Variants in SCG3 observed in about 807,000 individuals in gnomAD.
SCG3 encodes secretogranin-3.
Under a neutral mutation model 56.2 loss-of-function variants are expected in SCG3, and 38 were observed. That is an observed-to-expected ratio of 0.68 (90% CI 0.52 to 0.89). The LOEUF is 0.89. Ranked by LOEUF, SCG3 falls within the 40% of genes least tolerant of loss-of-function variation. The pLI is 0.00. For synonymous variants in SCG3, 176 were observed against 184.2 expected (o/e 0.96, Z 0.36); for missense variants, 524 against 540.7 (o/e 0.97, Z 0.31).
intron 10 of SCG3, among the ~76,000 whole-genome samples, chr15:51,709,701 A>ATTTT (rs869162420): frequency 4.4e-5 from 1 of 22,964 alleles, no homozygotes; most frequent in African/African-American, 2.4e-4. Context: ...ATATATATAT[A>ATTTT]TTTTTTTTTT....
intron 10 of SCG3, among the ~76,000 whole-genome samples, chr15:51,704,844 A>T (rs948992398): frequency 7.9e-5 from 11 of 138,690 alleles, no homozygotes; most frequent in Admixed American, 6.8e-4. Flanking sequence ...ATATATCCAG[A>T]AGTGGAATTG....
intron 11 of SCG3, among the ~76,000 whole-genome samples, chr15:51,717,699 C>G (rs1010590195): frequency 6.6e-6 from 1 of 152,174 alleles, no homozygotes; most frequent in Non-Finnish European, 1.5e-5. Flanking sequence ...CCTTGTGGAG[C>G]TGGGGTGCAA....
intron 4 of SCG3, among the ~76,000 whole-genome samples, chr15:51,685,113 C>T (rs1373230260): frequency 6.6e-6 from 1 of 152,174 alleles, no homozygotes; most frequent in African/African-American, 2.4e-5. Context: ...TCTGAAGTGT[C>T]ACGTGTACCT....
At chr15:51,695,421 C>T (rs2055296259) in intron 7 of SCG3, among the ~76,000 whole-genome samples, 1 of 152,046 alleles carries the variant, frequency 6.6e-6, no homozygotes, top group South Asian at 2.1e-4. Context: ...TATCATCTAC[C>T]CTATTAGCAA....
intron 5 of SCG3, 146 bp downstream of exon 5, chr15:51,688,548 C>A: frequency 3.0e-6 from 2 of 659,786 alleles, no homozygotes; most frequent in Non-Finnish European, 4.8e-6. Context: ...AAGCAAAGCA[C>A]CATTCTTTTT....
At chr15:51,713,557 AG>A (rs1166749279) in intron 11 of SCG3, 144 bp downstream of exon 11, 3 of 528,978 alleles carry the variant, frequency 5.7e-6, no homozygotes, top group Non-Finnish European at 3.4e-6. Context: ...TCAGATACAG[AG>A]GGGAACAGAA....
At chr15:51,716,175 T>C (rs2055454453) in intron 11 of SCG3, among the ~76,000 whole-genome samples, 1 of 152,208 alleles carries the variant, frequency 6.6e-6, no homozygotes, top group Non-Finnish European at 1.5e-5. Flanking sequence ...GTTTTCAAAC[T>C]TTGATGCACA....
chr15:51,701,266 G>A, intron 10 of SCG3, 22 bp downstream of exon 10: 1 of 1,544,746 alleles, frequency 6.5e-7, no homozygotes, highest in Non-Finnish European at 8.7e-7. Flanking sequence ...ACAGCTCTAG[G>A]TTAGCAATGA....
At chr15:51,703,406 T>C (rs1377993998) in intron 10 of SCG3, among the ~76,000 whole-genome samples, 1 of 152,240 alleles carries the variant, frequency 6.6e-6, no homozygotes, top group Non-Finnish European at 1.5e-5. Flanking sequence ...TTTATATTAC[T>C]ATTACCTTTG....
chr15:51,698,236 A>G (rs948673157), intron 8 of SCG3, among the ~76,000 whole-genome samples: 1 of 152,216 alleles, frequency 6.6e-6, no homozygotes, highest in Non-Finnish European at 1.5e-5. Context: ...TTTTTTGAGA[A>G]TGGCAGAAAA....
intron 10 of SCG3, among the ~76,000 whole-genome samples, chr15:51,704,822 G>T (rs2055364790): frequency 9.7e-6 from 1 of 102,704 alleles, no homozygotes; most frequent in Non-Finnish European, 2.1e-5. Context: ...CCTTCTTTCA[G>T]TTCTTTTGGG....
At position 51,683,251 on chromosome 15, in the gene SCG3, G is replaced by C; in HGVS notation, c.214G>C (p.Val72Leu). Residue 72 changes from valine (V) to leucine (L), a missense_variant, in exon 4 of 12, where the codon GTT (valine) becomes CTT (leucine). By Grantham distance (32) the Val-to-Leu change is conservative (BLOSUM62 1). Transcript: ENST00000220478. ...NKPGQSNYSF[V>L]DNLNLLKAIT... is the part of the protein sequence containing the mutation. ...GCCAGGTCAGAGCAACTATTCTTTTGTTGATAACTTGAACCTGCTAAAGGC... is the reference window on the plus strand; with the variant it reads ...GCCAGGTCAGAGCAACTATTCTTTTCTTGATAACTTGAACCTGCTAAAGGC... 2 of 1,613,752 alleles carry C rather than the reference G, an allele frequency of 1.2e-6. No homozygotes were observed.
chr15:51,695,462 G>T (rs910849375), intron 7 of SCG3, among the ~76,000 whole-genome samples: 1 of 152,150 alleles, frequency 6.6e-6, no homozygotes, highest in African/African-American at 2.4e-5. Flanking sequence ...CTCTTTTGGA[G>T]AAGTTATCAT....
intron 11 of SCG3, among the ~76,000 whole-genome samples, chr15:51,716,750 C>T (rs568114936): frequency 1.6e-4 from 24 of 152,336 alleles, no homozygotes; most frequent in East Asian, 3.9e-4. Context: ...GCTGGTTGTC[C>T]GCTGATTCAA....
At chr15:51,704,285 GCT>G (rs534185534) in intron 10 of SCG3, among the ~76,000 whole-genome samples, 1,479 of 65,514 alleles carry the variant, frequency 0.023, 41 homozygotes, top group African/African-American at 0.066. Flanking sequence ...ATATAAAATA[GCT>G]CTTTTTTGAA....
rs1353144635 is a variant in SCG3, at chr15:51,701,110, C to T, written c.1073C>T (p.Pro358Leu). 1 of 1,613,480 alleles carries T rather than the reference C, an allele frequency of 6.2e-7. No homozygotes were observed. Among genetic ancestry groups the T allele is most frequent in the Non-Finnish European group, 8.5e-7 (1 of 1,179,882 alleles). The part of the protein sequence containing the change: ...TDNISKLFPA[P>L]SEKSHEETDS... ...ACAATGCTCAATCTGATTACAGCAC[C>T]ATCAGAGAAGAGTCATGAAGAAACA... is the stretch of plus-strand genomic sequence containing the variant. The change falls in exon 10 of 12, where the codon CCA (proline) becomes CTA (leucine). Residue 358 changes from proline (P) to leucine (L), a missense_variant. Pro to Leu is a moderately conservative substitution (Grantham distance 98). Transcript: ENST00000220478.
intron 11 of SCG3, among the ~76,000 whole-genome samples, chr15:51,718,108 G>A (rs540153608): frequency 6.6e-6 from 1 of 152,238 alleles, no homozygotes; most frequent in East Asian, 1.9e-4. Context: ...ACAAAAGGCT[G>A]AAACAAGGGA....
Position 51,701,262 on chromosome 15 carries a change from C to G in SCG3, c.1207+18C>G, listed in dbSNP as rs778787337. On this transcript the variant is annotated intron_variant, in intron 10 of 11. Transcript: ENST00000220478. ...ACCCAAAGGTATGGGATTGACAGCT[C>G]TAGGTTAGCAATGAAATTGGGAAAG... 9.0e-6 allele frequency: 14 copies of G among 1,548,942 alleles called. No individual in the cohort carries two copies. Among genetic ancestry groups the G allele is most frequent in the Admixed American group, 2.2e-5 (1 of 46,234 alleles).
Position 51,704,070 on chromosome 15 carries a change from A to G in SCG3, c.1207+2826A>G, listed in dbSNP as rs190321884. ...GAAAGAAAGCAGTAATGATCAATTA[A>G]TAATGTTTGTCCTGAGCAAGAGTAG... On this transcript the variant is annotated intron_variant, in intron 10 of 11. Coordinates refer to ENST00000220478, the MANE Select transcript of SCG3 (RefSeq NM_013243.4). Among the ~76,000 whole-genome samples, 350 of 151,830 alleles carry G rather than the reference A, an allele frequency of 2.3e-3. 4 individuals carry two copies. Among genetic ancestry groups the G allele is most frequent in the African/African-American group, 8.3e-3 (342 of 41,452 alleles).
Sources: gnomAD v4.1 joint callset for allele counts (sites outside exome capture counted in the v4.1 genomes callset) on GRCh38, gnomAD v4.1.1 for gene constraint, MANE v1.5 for transcripts, NCBI Gene and HGNC (gene_info 2026-07-23, HGNC 2026-07-21) for gene names.